The following GTF2IRD1 variants were observed in gnomAD, a reference collection of about 807,000 sequenced individuals.
GTF2IRD1 encodes general transcription factor II-I repeat domain-containing protein 1.
GTF2IRD1 carries 26 observed loss-of-function variants against 113.2 expected under a neutral mutation model. The observed-to-expected ratio is 0.23, with a 90% CI of 0.17 to 0.32. GTF2IRD1 has a LOEUF of 0.32. Ranked by LOEUF, GTF2IRD1 falls within the 10% of genes least tolerant of loss-of-function variation. GTF2IRD1 has a pLI of 1.00. For synonymous variants in GTF2IRD1, 484 were observed against 529.1 expected (o/e 0.91, Z 1.17); for missense variants, 864 against 1,280.8 (o/e 0.67, Z 4.97).
At chr7:74,463,728 G>GTT (rs1175596736) in intron 1 of GTF2IRD1, among the ~76,000 whole-genome samples, 5 of 134,706 alleles carry the variant, frequency 3.7e-5, no homozygotes, top group Admixed American at 7.4e-5. Flanking sequence ...GTTGTTTTTT[G>GTT]TTTTTTTTTT....
In GTF2IRD1 at chr7:74,490,549, C is replaced by G. The variant is rs935680413; in HGVS notation, c.-6-17526C>G. On this transcript the variant is annotated intron_variant, in intron 1 of 26. Coordinates refer to ENST00000424337, the MANE Select transcript of GTF2IRD1 (RefSeq NM_005685.4). ...CTGCTGGGGAGAAAGGATACCCCCC[C>G]CCCCGCCCGCCTTCCAGAAGGGGAG... Among the ~76,000 whole-genome samples the G allele has an allele frequency of 1.1e-4, 16 of 151,480 alleles. No individual in the cohort carries two copies. In the East Asian group the frequency reaches 2.1e-3, roughly 20 times the overall value.
chr7:74,461,004 A>G (rs1793328150), intron 1 of GTF2IRD1, among the ~76,000 whole-genome samples: 1 of 152,084 alleles, frequency 6.6e-6, no homozygotes. Context: ...GGCCGGGGTC[A>G]TGGGGTCCAC....
intron 5 of GTF2IRD1, 33 bp downstream of exon 5, chr7:74,518,355 G>C (rs1554345201): frequency 3.3e-6 from 5 of 1,529,576 alleles, no homozygotes; most frequent in Non-Finnish European, 4.4e-6. Context: ...GGCTGGGCTG[G>C]GGCTGGGCCA....
intron 22 of GTF2IRD1, among the ~76,000 whole-genome samples, chr7:74,581,981 T>C (rs1292174302): frequency 1.3e-5 from 2 of 152,312 alleles, no homozygotes; most frequent in African/African-American, 2.4e-5. Context: ...CGCTCCAGCC[T>C]GGGCAACAGA....
At chr7:74,480,084 T>C (rs1383368159) in intron 1 of GTF2IRD1, among the ~76,000 whole-genome samples, 1 of 152,114 alleles carries the variant, frequency 6.6e-6, no homozygotes, top group Non-Finnish European at 1.5e-5. Context: ...GTGATGAATT[T>C]TCCCCCGACT....
rs1262717039 is a variant in GTF2IRD1 at position 74,581,568 on chromosome 7, C to G, written c.2321-8283C>G. On this transcript the variant is annotated intron_variant, in intron 22 of 26. Coordinates refer to ENST00000424337, the MANE Select transcript of GTF2IRD1 (RefSeq NM_005685.4). The stretch of plus-strand genomic sequence containing the variant: ...TTAGACTCAAAGGTGACCGGGCATG[C>G]TGGAGCTGCCCTGCCCCACCTGAGG... Among the ~76,000 whole-genome samples, 8 of 152,198 alleles carry G rather than the reference C, an allele frequency of 5.3e-5. No homozygotes were observed. The East Asian group carries it at 1.2e-3, about 22-fold the overall frequency.
chr7:74,538,678 A>G lies in GTF2IRD1; in HGVS notation c.1448-2A>G. Reference sequence around the variant, plus strand: ...ACAGGATTCTTCCTTTCCTCCTTGCAGGAACCTCCGGGGAGCTGGGCGGGC... The same window carrying G: ...ACAGGATTCTTCCTTTCCTCCTTGCGGGAACCTCCGGGGAGCTGGGCGGGC... On this transcript the variant is annotated splice_acceptor_variant, in intron 12 of 26. Transcript: ENST00000424337. LOFTEE classifies it high-confidence loss of function. The G allele has an allele frequency of 6.4e-7, 1 of 1,571,822 alleles. No individual in the cohort carries two copies. The highest frequency in any genetic ancestry group is 8.8e-7 in the Non-Finnish European group (1 of 1,141,640).
At chr7:74,565,370 C>T (rs142093532) in intron 22 of GTF2IRD1, among the ~76,000 whole-genome samples, 7,358 of 151,856 alleles carry the variant, frequency 0.048, 263 homozygotes, top group East Asian at 0.079. Context: ...ACTAAAAATA[C>T]AAAAATTAGC....
chr7:74,545,180 G>A (rs1583847222), intron 15 of GTF2IRD1, among the ~76,000 whole-genome samples: 2 of 152,108 alleles, frequency 1.3e-5, no homozygotes, highest in African/African-American at 4.8e-5. Flanking sequence ...CAGCAGACAC[G>A]CCCATTCTCA....
intron 7 of GTF2IRD1, among the ~76,000 whole-genome samples, chr7:74,523,165 G>A (rs1797388844): frequency 6.6e-6 from 1 of 152,198 alleles, no homozygotes; most frequent in Non-Finnish European, 1.5e-5. Context: ...GCTGCTGTGA[G>A]CTATGATCAC....
In GTF2IRD1 at chr7:74,520,089, C is replaced by CAAA. The variant is rs61019711; in HGVS notation, c.916+398_916+400dup. ...CCTGGGTGACAGCACAGCTCTGTCT[C>CAAA]AAAAAAAAAAAAAAAAAAAAAAAAA... On this transcript the variant is annotated intron_variant, in intron 6 of 26. Coordinates refer to ENST00000424337, the MANE Select transcript of GTF2IRD1 (RefSeq NM_005685.4). Among the ~76,000 whole-genome samples the CAAA allele has an allele frequency of 4.9e-4, 12 of 24,586 alleles. 2 individuals are homozygous for CAAA. The highest frequency in any genetic ancestry group is 3.4e-3 in the East Asian group (2 of 580). The allele number at this position is 24,586 out of a possible 152,430, so 16.1% of individuals were successfully genotyped here. A position where few individuals can be genotyped will look rare whatever the true frequency, so the allele number is the denominator to read the frequency against.
chr7:74,579,724 G>A (rs1273198032), intron 22 of GTF2IRD1, among the ~76,000 whole-genome samples: 1 of 152,100 alleles, frequency 6.6e-6, no homozygotes, highest in Admixed American at 6.6e-5. Context: ...GACTACAGGT[G>A]TGGGCCACCA....
intron 1 of GTF2IRD1, among the ~76,000 whole-genome samples, chr7:74,460,484 C>T (rs782608483): frequency 2.6e-5 from 4 of 151,598 alleles, no homozygotes; most frequent in Non-Finnish European, 4.4e-5. Flanking sequence ...TGGCCTCAAG[C>T]GATCCTCCCA....
chr7:74,553,297 G>T (rs1799416547), intron 17 of GTF2IRD1, among the ~76,000 whole-genome samples: 1 of 151,740 alleles, frequency 6.6e-6, no homozygotes, highest in Non-Finnish European at 1.5e-5. Flanking sequence ...GCCTGGCCAT[G>T]AGCATTTGTT....
intron 2 of GTF2IRD1, 74 bp downstream of exon 2, chr7:74,508,277 C>T: frequency 6.7e-7 from 1 of 1,497,558 alleles, no homozygotes; most frequent in Non-Finnish European, 9.1e-7. Flanking sequence ...CAAGTCCTAC[C>T]TCAGCTACTC....
chr7:74,505,575 C>A (rs1215820050), intron 1 of GTF2IRD1, among the ~76,000 whole-genome samples: 3 of 152,238 alleles, frequency 2.0e-5, no homozygotes, highest in Admixed American at 6.5e-5. Flanking sequence ...GAGCCGGCCG[C>A]TGTCTGGGGC....
chr7:74,498,726 T>C (rs1795860438), intron 1 of GTF2IRD1, among the ~76,000 whole-genome samples: 1 of 119,386 alleles, frequency 8.4e-6, no homozygotes, highest in Admixed American at 9.0e-5. Context: ...GGTCCTGTAG[T>C]TCTTTTTTTT....
At chr7:74,501,896 C>G (rs1338284201) in intron 1 of GTF2IRD1, among the ~76,000 whole-genome samples, 1 of 152,148 alleles carries the variant, frequency 6.6e-6, no homozygotes, top group African/African-American at 2.4e-5. Context: ...AAGTGATCCA[C>G]CCACCTTAGC....
intron 7 of GTF2IRD1, among the ~76,000 whole-genome samples, chr7:74,522,381 C>T (rs1554346198): frequency 6.6e-6 from 1 of 152,140 alleles, no homozygotes; most frequent in East Asian, 1.9e-4. Context: ...CTCAGCCTCA[C>T]CTCCAGGAAA....
Sources: gnomAD v4.1 joint callset for allele counts (sites outside exome capture counted in the v4.1 genomes callset) on GRCh38, gnomAD v4.1.1 for gene constraint, MANE v1.5 for transcripts, NCBI Gene and HGNC (gene_info 2026-07-23, HGNC 2026-07-21) for gene names.